CFAP54: variants seen among roughly 807,000 people sequenced by gnomAD.
CFAP54 encodes cilia- and flagella-associated protein 54.
CFAP54 carries 290 observed loss-of-function variants against 370.4 expected under a neutral mutation model. The observed-to-expected ratio is 0.78, with a 90% CI of 0.71 to 0.86. The LOEUF (loss-of-function observed/expected upper bound fraction) is 0.86. Among genes scored for constraint, CFAP54 ranks in the 40% least tolerant of loss-of-function variants. The probability of loss-of-function intolerance (pLI) is 0.00; values close to 1 mark genes in which losing one functional copy is unlikely to be tolerated. For synonymous variants in CFAP54, 1,206 were observed against 1,236.5 expected (o/e 0.98, Z 0.52); for missense variants, 3,399 against 3,528.7 (o/e 0.96, Z 0.93).
intron 26 of CFAP54, among the ~76,000 whole-genome samples, chr12:96,615,573 G>C (rs575694780): frequency 3.9e-5 from 6 of 152,122 alleles, no homozygotes; most frequent in African/African-American, 1.4e-4. Flanking sequence ...GAGTGAACAG[G>C]CAACCTACAG....
chr12:96,515,540 T>TGATG (rs1408424146), intron 5 of CFAP54, among the ~76,000 whole-genome samples: 1 of 152,232 alleles, frequency 6.6e-6, no homozygotes, highest in African/African-American at 2.4e-5. Flanking sequence ...GTCCATTTAA[T>TGATG]GGAGACAAGT....
At chr12:96,578,773 C>G (rs1299493919) in intron 20 of CFAP54, among the ~76,000 whole-genome samples, 3 of 152,170 alleles carry the variant, frequency 2.0e-5, no homozygotes, top group Non-Finnish European at 2.9e-5. Flanking sequence ...CTTCAGCCAT[C>G]TTTTGTTTTC....
At chr12:96,550,050 C>T (rs562375073) in intron 15 of CFAP54, among the ~76,000 whole-genome samples, 1 of 152,310 alleles carries the variant, frequency 6.6e-6, no homozygotes, top group South Asian at 2.1e-4. Context: ...GCATTTCTTT[C>T]TTCAACAAAT....
At position 96,756,647 on chromosome 12, in the gene CFAP54, A is replaced by G. The variant is rs1044877470; in HGVS notation, c.7946+84A>G. 69 of 845,752 alleles carry G rather than the reference A, an allele frequency of 8.2e-5. No individual in the cohort carries two copies. In the African/African-American group the frequency reaches 9.5e-4, roughly 12 times the overall value. The allele number at this position is 845,752 out of a possible 1,614,324, so 52.4% of individuals were successfully genotyped here. Reference sequence around the variant, plus strand: ...TAGTACATTGACCACTCAAGGCTGGATTGCTTGGGATGCCTTCTGAAAGCA... The same window carrying G: ...TAGTACATTGACCACTCAAGGCTGGGTTGCTTGGGATGCCTTCTGAAAGCA... On this transcript the variant is annotated intron_variant, in intron 57 of 67. Coordinates refer to ENST00000524981, the MANE Select transcript of CFAP54 (RefSeq NM_001306084.2).
At position 96,742,571 on chromosome 12, in the gene CFAP54, A is replaced by G. The variant is rs1369555921; in HGVS notation, c.7204A>G (p.Ile2402Val). Residue 2402 changes from isoleucine (I) to valine (V), a missense_variant, in exon 52 of 68, where the codon ATT becomes GTT. Ile to Val is a conservative substitution (Grantham distance 29). Coordinates refer to ENST00000524981, the MANE Select transcript of CFAP54 (RefSeq NM_001306084.2). ...TGCATTTGTTGCACAGATTCATGGCATTGGAATTGTGAAAGGTACAAACAT... is the reference window on the plus strand; with the variant it reads ...TGCATTTGTTGCACAGATTCATGGCGTTGGAATTGTGAAAGGTACAAACAT... ...VTAFVAQIHG[I>V]GIVKEDDMTD... is the part of the protein sequence containing the mutation. 6.2e-6 allele frequency: 10 copies of G among 1,612,506 alleles called. No individual in the cohort carries two copies. Among genetic ancestry groups the G allele is most frequent in the East Asian group, 4.5e-5 (2 of 44,808 alleles).
At chr12:96,690,050 G>A (rs913201889) in intron 43 of CFAP54, among the ~76,000 whole-genome samples, 3 of 152,152 alleles carry the variant, frequency 2.0e-5, no homozygotes, top group Admixed American at 6.5e-5. Context: ...TTCTTACGTC[G>A]CATTCTTTAC....
chr12:96,863,780 A>G (rs1959937769), intron 67 of CFAP54, among the ~76,000 whole-genome samples: 1 of 151,636 alleles, frequency 6.6e-6, no homozygotes, highest in Non-Finnish European at 1.5e-5. Context: ...TCTTCCAACT[A>G]TTGCAGATAA....
intron 9 of CFAP54, among the ~76,000 whole-genome samples, chr12:96,531,787 C>T (rs772905256): frequency 3.3e-5 from 5 of 152,162 alleles, no homozygotes; most frequent in Admixed American, 6.5e-5. Flanking sequence ...TGCAGTGGCA[C>T]GATCTCAGCT....
At position 96,752,612 on chromosome 12, in the gene CFAP54, AG is replaced by A. The variant is rs147467000; in HGVS notation, c.7685-1130del. Among the ~76,000 whole-genome samples, 973 of 152,286 alleles carry A rather than the reference AG, an allele frequency of 6.4e-3. 11 individuals carry two copies. Among genetic ancestry groups the A allele is most frequent in the African/African-American group, 0.022 (917 of 41,556 alleles). On this transcript the variant is annotated intron_variant, in intron 55 of 67. Coordinates refer to ENST00000524981, the MANE Select transcript of CFAP54 (RefSeq NM_001306084.2). ...TTTTTGTTCTTTAAAATTACCAAAG[AG>A]AAGGTGTTCATCTGCTTTTAGCCTA...
intron 2 of CFAP54, among the ~76,000 whole-genome samples, chr12:96,502,447 G>C (rs1419233929): frequency 1.4e-5 from 2 of 143,608 alleles, no homozygotes; most frequent in Non-Finnish European, 3.0e-5. Context: ...AAATGAACTT[G>C]TTACTTTGGT....
chr12:96,823,347 T>G (rs1332437507), intron 65 of CFAP54, among the ~76,000 whole-genome samples: 1 of 152,208 alleles, frequency 6.6e-6, no homozygotes, highest in Non-Finnish European at 1.5e-5. Context: ...GAGGGCTTAT[T>G]CATCATTATA....
chr12:96,639,263 C>T (rs905839110), intron 32 of CFAP54, among the ~76,000 whole-genome samples: 3 of 152,168 alleles, frequency 2.0e-5, no homozygotes, highest in Admixed American at 6.5e-5. Flanking sequence ...ACCGATCCCA[C>T]AGAAATACAA....
In CFAP54 at chr12:96,647,815, G is replaced by C. The variant is rs1686748879; in HGVS notation, c.4548-60G>C. On this transcript the variant is annotated intron_variant, in intron 33 of 67. Coordinates refer to ENST00000524981, the MANE Select transcript of CFAP54 (RefSeq NM_001306084.2). ...TTAAAAATAAAAATAGATTGCATTT[G>C]ACAGATTTAATTCAATTTTGCTTAT... is the stretch of plus-strand genomic sequence containing the variant. 8 of 1,366,770 alleles carry C rather than the reference G, an allele frequency of 5.9e-6. No homozygotes were observed. In the South Asian group the frequency reaches 1.2e-4, roughly 20 times the overall value. The allele number at this position is 1,366,770 out of a possible 1,614,324, so 84.7% of individuals were successfully genotyped here. A position where few individuals can be genotyped will look rare whatever the true frequency, so the allele number is the denominator to read the frequency against.
intron 66 of CFAP54, among the ~76,000 whole-genome samples, chr12:96,835,942 G>T (rs1959184862): frequency 6.6e-6 from 1 of 152,180 alleles, no homozygotes; most frequent in South Asian, 2.1e-4. Flanking sequence ...TAAAGGAAAA[G>T]AACTAGGACA....
At chr12:96,664,757 A>ATC (rs1201091845) in intron 39 of CFAP54, among the ~76,000 whole-genome samples, 4 of 17,516 alleles carry the variant, frequency 2.3e-4, no homozygotes, top group Non-Finnish European at 4.6e-4. Flanking sequence ...ATATATATCT[A>ATC]TATATATCTA....
Position 96,522,198 on chromosome 12 carries a change from A to G in CFAP54, c.1158+9A>G, listed in dbSNP as rs1478755521. On this transcript the variant is annotated intron_variant, in intron 8 of 67. Coordinates refer to ENST00000524981, the MANE Select transcript of CFAP54 (RefSeq NM_001306084.2). ...TAAGGGAAGTACAAACTGTAAGTCT[A>G]AACATGTCTTCTCTCTTTAAGACTC... 9 of 1,487,252 alleles carry G rather than the reference A, an allele frequency of 6.1e-6. No individual in the cohort carries two copies. The allele number at this position is 1,487,252 out of a possible 1,614,324, so 92.1% of individuals were successfully genotyped here.
At chr12:96,773,610 C>T (rs1285432949) in intron 60 of CFAP54, among the ~76,000 whole-genome samples, 1 of 152,204 alleles carries the variant, frequency 6.6e-6, no homozygotes, top group Admixed American at 6.5e-5. Context: ...AGTGGTATAA[C>T]TGTACACATA....
At chr12:96,736,881 C>G (rs1289910036) in intron 50 of CFAP54, among the ~76,000 whole-genome samples, 1 of 152,140 alleles carries the variant, frequency 6.6e-6, no homozygotes, top group Non-Finnish European at 1.5e-5. Context: ...TGTGAAAAGA[C>G]AGAGATGGTG....
intron 2 of CFAP54, among the ~76,000 whole-genome samples, chr12:96,502,992 TCTTCCTCTCTTC>T (rs1173699813): frequency 1.3e-5 from 2 of 152,016 alleles, no homozygotes; most frequent in South Asian, 2.1e-4. Context: ...GTTCCCTCTT[TCTTCCTCTCTTC>T]CTTCCTCTCT....
Sources: allele counts gnomAD v4.1 joint callset (sites outside exome capture counted in the v4.1 genomes callset), GRCh38; gene constraint gnomAD v4.1.1; transcripts MANE v1.5; gene names NCBI Gene and HGNC (gene_info 2026-07-23, HGNC 2026-07-21).